HORMAD1: variants seen among roughly 807,000 people sequenced by gnomAD.
HORMAD1 encodes the protein HORMA domain-containing protein 1.
HORMAD1 carries 33 observed loss-of-function variants against 58.2 expected under a neutral mutation model. The observed-to-expected ratio is 0.57, with a 90% CI of 0.43 to 0.76. The LOEUF is 0.76. Among genes scored for constraint, HORMAD1 ranks in the 30% least tolerant of loss-of-function variants. HORMAD1 has a pLI of 0.00. For missense variants in HORMAD1, 363 were observed against 462.0 expected (o/e 0.79, Z 1.96); for synonymous variants, 137 against 144.6 (o/e 0.95, Z 0.38).
At chr1:150,716,954 C>CAAAAA (rs61024265) in intron 3 of HORMAD1, among the ~76,000 whole-genome samples, 184 bp downstream of exon 3, 5 of 90,834 alleles carry the variant, frequency 5.5e-5, no homozygotes, top group East Asian at 3.2e-4. Flanking sequence ...GACCCCGTCT[C>CAAAAA]AAAAAAAAAA....
intron 5 of HORMAD1, chr1:150,713,866 A>C: frequency 1.9e-6 from 1 of 526,974 alleles, no homozygotes; most frequent in Non-Finnish European, 3.4e-6. Flanking sequence ...TAAGTGTTAA[A>C]AAAACTAGCT....
chr1:150,700,168 G>A lies in HORMAD1; in HGVS notation c.1048C>T (p.Pro350Ser), dbSNP rs761519443. Reference sequence around the variant, plus strand: ...CGATTTTCTTTGGAAGATTTTACTGGTTGATTTCCATTTGCCTCCACAAAG... The same window carrying A: ...CGATTTTCTTTGGAAGATTTTACTGATTGATTTCCATTTGCCTCCACAAAG... ...FQNKMANGNQ[P>S]VKSSKENRKR... is the part of the protein sequence containing the mutation. The change falls in exon 14 of 15, where the codon CCA becomes TCA. Residue 350 changes from proline (P) to serine (S), a missense_variant. Around this residue, in one of 3 missense-constraint regions of HORMAD1, gnomAD observed 226 missense variants for 257.8 expected, o/e 0.88. Transcript: ENST00000361824. 46 of 1,577,438 alleles carry A rather than the reference G, an allele frequency of 2.9e-5. No individual in the cohort carries two copies. The highest frequency in any genetic ancestry group is 4.0e-5 in the Non-Finnish European group (46 of 1,147,652).
intron 12 of HORMAD1, 29 bp downstream of exon 12, chr1:150,704,087 CAA>C: frequency 6.8e-7 from 1 of 1,472,500 alleles, no homozygotes; most frequent in Non-Finnish European, 9.2e-7. Context: ...GTGAACAAAA[CAA>C]AAGTGAGATG....
At chr1:150,717,099 C>A in intron 3 of HORMAD1, 39 bp downstream of exon 3, 3 of 1,312,910 alleles carry the variant, frequency 2.3e-6, no homozygotes, top group Non-Finnish European at 3.1e-6. Flanking sequence ...AATAAAAATA[C>A]CATTTTAAAA....
At position 150,698,513 on chromosome 1, in the gene HORMAD1, A is replaced by G. The variant is rs2101832367; in HGVS notation, c.*141T>C. ...TCTCAAGATTAAGGACCACAATATG[A>G]CAGTCAGCCAAAAACTTAGTTTTAG... On this transcript the variant is annotated 3_prime_UTR_variant, in exon 15 of 15. Transcript: ENST00000361824. 1 of 442,128 alleles carries G rather than the reference A, an allele frequency of 2.3e-6. No homozygotes were observed. The highest frequency in any genetic ancestry group is 4.1e-6 in the Non-Finnish European group (1 of 244,426). 27.4% of individuals were successfully genotyped at this position (442,128 alleles called of 1,614,324 possible). A position where few individuals can be genotyped will look rare whatever the true frequency, so the allele number is the denominator to read the frequency against.
chr1:150,713,009 A>G (rs1268608558), intron 5 of HORMAD1, among the ~76,000 whole-genome samples: 2 of 152,120 alleles, frequency 1.3e-5, no homozygotes, highest in African/African-American at 4.8e-5. Context: ...GCCCTCAGTC[A>G]TATTGGCCTT....
intron 2 of HORMAD1, among the ~76,000 whole-genome samples, chr1:150,718,392 C>T (rs888679176): frequency 1.4e-5 from 2 of 147,912 alleles, no homozygotes; most frequent in African/African-American, 5.0e-5. Context: ...CTATGTTACC[C>T]AGGCTGACCT....
chr1:150,713,992 G>C, intron 5 of HORMAD1, 93 bp downstream of exon 5: 4 of 829,304 alleles, frequency 4.8e-6, no homozygotes, highest in Non-Finnish European at 8.0e-6. Flanking sequence ...ACTCAAGTTA[G>C]TTCAAATGAA....
intron 10 of HORMAD1, among the ~76,000 whole-genome samples, chr1:150,704,993 A>G (rs1318100973): frequency 2.6e-5 from 4 of 151,932 alleles, no homozygotes; most frequent in Non-Finnish European, 5.9e-5. Flanking sequence ...GCAGTGAACC[A>G]AGATCTGCCA....
chr1:150,700,171 G>T lies in HORMAD1; in HGVS notation c.1045C>A (p.Gln349Lys). The change falls in exon 14 of 15, where the codon CAA becomes AAA. Residue 349 changes from glutamine to lysine, a missense_variant. Gln to Lys is a moderately conservative substitution (Grantham distance 53, BLOSUM62 1). Around this residue, in one of 3 missense-constraint regions of HORMAD1, gnomAD observed 226 missense variants for 257.8 expected, o/e 0.88. Coordinates refer to ENST00000361824, the MANE Select transcript of HORMAD1 (RefSeq NM_032132.5). ...TTTTCTTTGGAAGATTTTACTGGTTGATTTCCATTTGCCTCCACAAAGATA... is the reference window on the plus strand; with the variant it reads ...TTTTCTTTGGAAGATTTTACTGGTTTATTTCCATTTGCCTCCACAAAGATA... ...VFQNKMANGN[Q>K]PVKSSKENRK... is the part of the protein sequence containing the mutation. 1.3e-6 allele frequency: 2 copies of T among 1,574,654 alleles called. No homozygotes were observed. The highest frequency in any genetic ancestry group is 1.7e-6 in the Non-Finnish European group (2 of 1,144,944).
chr1:150,709,465 C>T (rs1290043256), intron 7 of HORMAD1, among the ~76,000 whole-genome samples: 1 of 152,216 alleles, frequency 6.6e-6, no homozygotes, highest in Non-Finnish European at 1.5e-5. Flanking sequence ...TAGTAAAAGT[C>T]ATCGCCATTC....
At chr1:150,713,099 T>G (rs1047865991) in intron 5 of HORMAD1, among the ~76,000 whole-genome samples, 2 of 152,206 alleles carry the variant, frequency 1.3e-5, no homozygotes, top group African/African-American at 4.8e-5. Context: ...CTAAAATCAA[T>G]GCCTGGCTGG....
At chr1:150,699,768 G>T (rs377643513) in intron 14 of HORMAD1, among the ~76,000 whole-genome samples, 1 of 150,810 alleles carries the variant, frequency 6.6e-6, no homozygotes, top group South Asian at 2.1e-4. Flanking sequence ...TCTTGACCTC[G>T]TGATCCACCT....
At chr1:150,716,447 A>G (rs1652080628) in intron 3 of HORMAD1, among the ~76,000 whole-genome samples, 1 of 151,118 alleles carries the variant, frequency 6.6e-6, no homozygotes, top group Admixed American at 6.6e-5. Flanking sequence ...GGCGTGAGCC[A>G]CTGCACCCGG....
chr1:150,700,269 A>C (rs1651497524), intron 13 of HORMAD1, 86 bp from the exon 14 acceptor site: 1 of 743,642 alleles, frequency 1.3e-6, no homozygotes, highest in Admixed American at 2.1e-5. Flanking sequence ...AACGATATGC[A>C]ATATTTATTT....
intron 3 of HORMAD1, among the ~76,000 whole-genome samples, 199 bp from the exon 4 acceptor site, chr1:150,714,877 C>A (rs1652021595): frequency 6.6e-6 from 1 of 152,080 alleles, no homozygotes; most frequent in African/African-American, 2.4e-5. Flanking sequence ...CTTCTGCCTT[C>A]CGAGTTCAAG....
In HORMAD1 at chr1:150,716,795, C is replaced by G. The variant is rs1388862094; in HGVS notation, c.178+343G>C. ...TGGCTAACACGGTGAAACCCCGTCT[C>G]TACTAAAAATACAAAAAATTAGCCG... On this transcript the variant is annotated intron_variant, in intron 3 of 14. Transcript: ENST00000361824. 3.3e-5 allele frequency among the ~76,000 whole-genome samples: 5 copies of G among 151,466 alleles called. 1 individual carries two copies. Among genetic ancestry groups the G allele is most frequent in the African/African-American group, 1.2e-4 (5 of 41,234 alleles).
At chr1:150,710,924 C>T (rs1228538904) in intron 7 of HORMAD1, among the ~76,000 whole-genome samples, 1 of 152,160 alleles carries the variant, frequency 6.6e-6, no homozygotes, top group Non-Finnish European at 1.5e-5. Context: ...GCCACTATGA[C>T]CTTAGGCAAG....
intron 13 of HORMAD1, among the ~76,000 whole-genome samples, chr1:150,703,007 C>T (rs2184833): frequency 0.38 from 57,328 of 152,002 alleles, 11,081 homozygotes; most frequent in South Asian, 0.54. Flanking sequence ...CAAAACCTTT[C>T]CCGGATCCCT....
Sources: gnomAD v4.1 joint callset for allele counts (sites outside exome capture counted in the v4.1 genomes callset) on GRCh38, gnomAD v4.1.1 for gene constraint, gnomAD v4.1.1 regional missense constraint, MANE v1.5 for transcripts, NCBI Gene and HGNC (gene_info 2026-07-23, HGNC 2026-07-21) for gene names.